The following RGS5 variants were observed in gnomAD, a reference collection of about 807,000 sequenced individuals.
The protein encoded by RGS5 is regulator of G-protein signalling 5.
RGS5 carries 20 observed loss-of-function variants against 18.9 expected under a neutral mutation model. The observed-to-expected ratio is 1.06, with a 90% CI of 0.74 to 1.54. RGS5 has a LOEUF of 1.54. Among genes scored for constraint, RGS5 ranks in the 40% most tolerant of loss-of-function variants. The pLI, the probability that RGS5 is intolerant of heterozygous loss-of-function variation, is 0.00. For synonymous variants in RGS5, 57 were observed against 76.2 expected (o/e 0.75, Z 1.31); for missense variants, 201 against 211.8 (o/e 0.95, Z 0.32).
intron 2 of RGS5, chr1:163,162,694 A>G (rs1657857554): frequency 6.6e-6 from 1 of 152,180 alleles, no homozygotes. Context: ...TAGCCAACAT[A>G]TAATTTCTCC....
At chr1:163,313,014 AC>A (rs987733638) in intron 1 of RGS5, among the ~76,000 whole-genome samples, 1 of 152,178 alleles carries the variant, frequency 6.6e-6, no homozygotes, top group African/African-American at 2.4e-5. Flanking sequence ...CTGTCTTTCA[AC>A]CTAAAATAAA....
At chr1:163,289,074 A>G (rs1337898187) in intron 2 of RGS5, among the ~76,000 whole-genome samples, 1 of 152,112 alleles carries the variant, frequency 6.6e-6, no homozygotes, top group East Asian at 1.9e-4. Context: ...CAACCAGAAT[A>G]TCAAATAAAT....
chr1:163,247,614 CAT>C (rs1032035627), intron 2 of RGS5, among the ~76,000 whole-genome samples: 40 of 150,358 alleles, frequency 2.7e-4, no homozygotes, highest in African/African-American at 9.5e-4. Flanking sequence ...ATACGTATGA[CAT>C]ATATAGGATA....
At chr1:163,157,793 T>C (rs368321215) in intron 3 of RGS5, among the ~76,000 whole-genome samples, 1 of 152,182 alleles carries the variant, frequency 6.6e-6, no homozygotes, top group Non-Finnish European at 1.5e-5. Context: ...AGTGGTACTA[T>C]GCTGGGCTCA....
intron 1 of RGS5, among the ~76,000 whole-genome samples, chr1:163,187,374 G>A (rs544056936): frequency 4.6e-5 from 7 of 152,162 alleles, no homozygotes; most frequent in South Asian, 2.1e-4. Flanking sequence ...ATTGGTTTTC[G>A]TCCACAGTTC....
upstream of RGS5, among the ~76,000 whole-genome samples, chr1:163,218,549 T>C (rs902577020): frequency 6.6e-6 from 1 of 151,922 alleles, no homozygotes; most frequent in Non-Finnish European, 1.5e-5. Context: ...AATTTATTTT[T>C]TTCTGTGCAT....
At chr1:163,193,116 G>A (rs138448978) in intron 1 of RGS5, among the ~76,000 whole-genome samples, 7 of 152,094 alleles carry the variant, frequency 4.6e-5, no homozygotes, top group South Asian at 2.1e-4. Flanking sequence ...ACTTTATTTC[G>A]TGTTGCTTTT....
intron 2 of RGS5, among the ~76,000 whole-genome samples, chr1:163,229,543 C>T (rs996556206): frequency 3.9e-5 from 6 of 152,200 alleles, no homozygotes; most frequent in African/African-American, 1.4e-4. Flanking sequence ...CCCTCCATCC[C>T]TAGGTCCAAT....
intron 2 of RGS5, among the ~76,000 whole-genome samples, chr1:163,240,850 A>C (rs1239192061): frequency 6.6e-6 from 1 of 152,156 alleles, no homozygotes; most frequent in Admixed American, 6.5e-5. Flanking sequence ...GTTTGAGGTC[A>C]TGGTTACCTG....
chr1:163,239,058 C>T (rs1647714033), intron 2 of RGS5: 2 of 207,898 alleles, frequency 9.6e-6, no homozygotes, highest in Non-Finnish European at 2.2e-5. Flanking sequence ...AGCACTGTCT[C>T]TGAAAGGAAA....
At chr1:163,274,367 T>C (rs1264137088) in intron 2 of RGS5, among the ~76,000 whole-genome samples, 1 of 124,242 alleles carries the variant, frequency 8.0e-6, no homozygotes, top group African/African-American at 2.5e-5. Context: ...GCTTCTACGT[T>C]GGTGAATGCA....
At chr1:163,152,432 G>T in intron 4 of RGS5, 118 bp downstream of exon 4, 1 of 1,044,068 alleles carries the variant, frequency 9.6e-7, no homozygotes, top group Non-Finnish European at 1.4e-6. Context: ...TAATAAGGTG[G>T]TCGACTCACA....
intron 2 of RGS5, chr1:163,259,980 A>C (rs374569226): frequency 6.6e-6 from 1 of 152,274 alleles, no homozygotes; most frequent in Non-Finnish European, 1.5e-5. Flanking sequence ...TGCAAATTCC[A>C]AAATAGAACC....
At chr1:163,232,327 G>A (rs1647503918) in intron 2 of RGS5, among the ~76,000 whole-genome samples, 1 of 152,172 alleles carries the variant, frequency 6.6e-6, no homozygotes, top group Non-Finnish European at 1.5e-5. Context: ...CTCAATGAAA[G>A]TTTCCTGTGC....
At chr1:163,192,481 GA>G (rs1174625325) in intron 1 of RGS5, among the ~76,000 whole-genome samples, 2 of 149,058 alleles carry the variant, frequency 1.3e-5, no homozygotes, top group African/African-American at 4.9e-5. Flanking sequence ...AGATAGAAAA[GA>G]CCTATTCGCC....
At chr1:163,216,306 A>C (rs1660216738) in intron 1 of RGS5, among the ~76,000 whole-genome samples, 1 of 152,142 alleles carries the variant, frequency 6.6e-6, no homozygotes, top group Admixed American at 6.5e-5. Flanking sequence ...GACATGAGGC[A>C]CCATTTGAGC....
chr1:163,274,035 T>A (rs527952423), intron 2 of RGS5, among the ~76,000 whole-genome samples: 2 of 152,292 alleles, frequency 1.3e-5, no homozygotes, highest in East Asian at 3.9e-4. Context: ...GCTGATGGAT[T>A]TGTGTGTGAA....
At chr1:163,237,627 GTGAGC>G (rs1050210160) in intron 2 of RGS5, 18 of 152,298 alleles carry the variant, frequency 1.2e-4, no homozygotes, top group African/African-American at 4.1e-4. Flanking sequence ...GGAGGTTGCA[GTGAGC>G]TGAGATAGCA....
At chr1:163,152,470 G>A (rs976957187) in intron 4 of RGS5, 80 bp downstream of exon 4, 11 of 1,432,668 alleles carry the variant, frequency 7.7e-6, no homozygotes, top group Non-Finnish European at 9.4e-6. Flanking sequence ...GCTCCCAACG[G>A]GAGGTCTGTG....
Sources: gnomAD v4.1 joint callset for allele counts (sites outside exome capture counted in the v4.1 genomes callset) on GRCh38, gnomAD v4.1.1 for gene constraint, MANE v1.5 for transcripts, NCBI Gene and HGNC (gene_info 2026-07-23, HGNC 2026-07-21) for gene names.